The following TANC1 variants were observed in gnomAD, a reference collection of about 807,000 sequenced individuals.
TANC1 encodes tetratricopeptide repeat, ankyrin repeat and coiled-coil containing 1, also known as protein TANC1.
TANC1 carries 77 observed loss-of-function variants against 149.7 expected under a neutral mutation model. The ratio of observed to expected loss-of-function variants is 0.51; its 90% CI spans 0.43 to 0.62. TANC1 has a LOEUF of 0.62. TANC1 is among the 20% of genes least tolerant of loss of function. The pLI is 0.00. For synonymous variants in TANC1, 854 were observed against 925.0 expected (o/e 0.92, Z 1.39); for missense variants, 1,985 against 2,321.8 (o/e 0.85, Z 2.98).
At chr2:159,080,176 C>T (rs1347650819) in intron 3 of TANC1, among the ~76,000 whole-genome samples, 1 of 152,176 alleles carries the variant, frequency 6.6e-6, no homozygotes, top group Non-Finnish European at 1.5e-5. Context: ...TGGGCTAGCT[C>T]TGTAGGCTCG....
chr2:159,181,458 C>T (rs927985545), intron 14 of TANC1, among the ~76,000 whole-genome samples: 11 of 152,156 alleles, frequency 7.2e-5, no homozygotes, highest in East Asian at 3.9e-4. Context: ...CCACCTCATC[C>T]GGCTAACTTT....
intron 2 of TANC1, among the ~76,000 whole-genome samples, chr2:159,055,418 T>G (rs186718619): frequency 1.2e-4 from 18 of 152,326 alleles, no homozygotes; most frequent in African/African-American, 4.3e-4. Flanking sequence ...TGTGCTGTCC[T>G]GATCACCTCC....
At chr2:159,044,458 G>A (rs2040886380) in intron 2 of TANC1, among the ~76,000 whole-genome samples, 1 of 151,970 alleles carries the variant, frequency 6.6e-6, no homozygotes, top group Non-Finnish European at 1.5e-5. Context: ...CAAGAGGTTT[G>A]GCGAGGCTGG....
At chr2:159,132,448 A>G (rs1404917407) in intron 4 of TANC1, among the ~76,000 whole-genome samples, 1 of 151,732 alleles carries the variant, frequency 6.6e-6, no homozygotes, top group African/African-American at 2.4e-5. Flanking sequence ...GAGTTAGGGG[A>G]CATGAGGAGG....
At chr2:159,004,283 A>G (rs2036923489) in intron 2 of TANC1, 1 of 1,612,126 alleles carries the variant, frequency 6.2e-7, no homozygotes. Context: ...CAGATCTTGT[A>G]GAAAATTTTG....
At chr2:159,055,128 G>T (rs567097349) in intron 2 of TANC1, among the ~76,000 whole-genome samples, 1 of 152,372 alleles carries the variant, frequency 6.6e-6, no homozygotes, top group South Asian at 2.1e-4. Context: ...TCTGAGTGTG[G>T]TTGTTGTGGA....
In TANC1 at chr2:159,072,731, C is replaced by T. The variant is rs950456638; in HGVS notation, c.61+6760C>T. ...TGGATACATATGTAACTAACCTGCA[C>T]GTTGTGCACATGTACCCTAAAACTT... is the stretch of plus-strand genomic sequence containing the variant. On this transcript the variant is annotated intron_variant, in intron 3 of 26. Transcript: ENST00000263635. Among the ~76,000 whole-genome samples, 6 of 151,924 alleles carry T rather than the reference C, an allele frequency of 3.9e-5. 1 individual carries two copies. In the South Asian group the frequency reaches 8.3e-4, roughly 21 times the overall value.
intron 3 of TANC1, among the ~76,000 whole-genome samples, chr2:159,077,157 A>G (rs1457449964): frequency 6.6e-6 from 1 of 152,132 alleles, no homozygotes; most frequent in East Asian, 1.9e-4. Context: ...CTTCTGGATT[A>G]CGCAGTCCTC....
At chr2:159,051,206 A>G (rs1247623375) in intron 2 of TANC1, among the ~76,000 whole-genome samples, 1 of 152,230 alleles carries the variant, frequency 6.6e-6, no homozygotes, top group African/African-American at 2.4e-5. Flanking sequence ...TGGACCACAC[A>G]CTTACATTTA....
chr2:159,192,520 T>C (rs1027253272), intron 16 of TANC1, among the ~76,000 whole-genome samples: 4 of 152,190 alleles, frequency 2.6e-5, no homozygotes, highest in African/African-American at 9.7e-5. Flanking sequence ...TTTTTCAAAG[T>C]GTGGTTCCCC....
intron 3 of TANC1, among the ~76,000 whole-genome samples, chr2:159,081,672 C>T (rs774539872): frequency 3.5e-4 from 53 of 152,068 alleles, no homozygotes; most frequent in Non-Finnish European, 6.3e-4. Context: ...TGTAACTTTG[C>T]TTATATGCTT....
chr2:159,166,605 G>C (rs1012289068), intron 8 of TANC1, among the ~76,000 whole-genome samples: 1 of 152,186 alleles, frequency 6.6e-6, no homozygotes, highest in African/African-American at 2.4e-5. Context: ...CTAGGATTTT[G>C]AAAGCGTTTA....
intron 22 of TANC1, among the ~76,000 whole-genome samples, chr2:159,221,548 AGTTCAAC>A (rs1272248662): frequency 6.6e-6 from 1 of 152,002 alleles, no homozygotes; most frequent in Non-Finnish European, 1.5e-5. Flanking sequence ...TTCTGTTGTG[AGTTCAAC>A]TTGTTTAGAT....
rs535957607 is a variant in TANC1, at chr2:159,151,624, G to A, written c.682+1068G>A. 2.0e-5 allele frequency among the ~76,000 whole-genome samples: 3 copies of A among 152,214 alleles called. No homozygotes were observed. In the South Asian group the frequency reaches 6.2e-4, roughly 32 times the overall value. ...TGCAGTTTATTTCAAGTGTAATTTGGAAAACCAGGCAGCAGGTTCATCCAG... is the reference window on the plus strand; with the variant it reads ...TGCAGTTTATTTCAAGTGTAATTTGAAAAACCAGGCAGCAGGTTCATCCAG... On this transcript the variant is annotated intron_variant, in intron 7 of 26. Coordinates refer to ENST00000263635, the MANE Select transcript of TANC1 (RefSeq NM_033394.3).
chr2:159,048,153 G>A (rs1017618062), intron 2 of TANC1, among the ~76,000 whole-genome samples: 1 of 152,156 alleles, frequency 6.6e-6, no homozygotes, highest in Non-Finnish European at 1.5e-5. Flanking sequence ...TGGTTGACCT[G>A]ACCCCAACAC....
chr2:159,039,631 G>A (rs1000793746), intron 2 of TANC1, among the ~76,000 whole-genome samples: 1 of 152,160 alleles, frequency 6.6e-6, no homozygotes, highest in African/African-American at 2.4e-5. Flanking sequence ...TCAGGAGCAG[G>A]TTGTTCAGTT....
chr2:159,204,005 G>A (rs2058436473), intron 19 of TANC1, among the ~76,000 whole-genome samples: 3 of 152,256 alleles, frequency 2.0e-5, no homozygotes, highest in African/African-American at 4.8e-5. Context: ...GTTTTGTCCA[G>A]CATGGTAGCT....
intron 14 of TANC1, among the ~76,000 whole-genome samples, chr2:159,183,556 A>G (rs370410453): frequency 6.6e-6 from 1 of 152,094 alleles, no homozygotes; most frequent in Non-Finnish European, 1.5e-5. Context: ...AGAGGAAGCC[A>G]TTGGATTTTC....
At chr2:159,026,432 T>C (rs1331008135) in intron 2 of TANC1, among the ~76,000 whole-genome samples, 2 of 152,210 alleles carry the variant, frequency 1.3e-5, no homozygotes, top group African/African-American at 4.8e-5. Context: ...TGACCTCAGC[T>C]TCTTTGGCTT....
Sources: allele counts gnomAD v4.1 joint callset (sites outside exome capture counted in the v4.1 genomes callset), GRCh38; gene constraint gnomAD v4.1.1; transcripts MANE v1.5; gene names NCBI Gene and HGNC (gene_info 2026-07-23, HGNC 2026-07-21).